The following NEK11 variants were observed in gnomAD, a reference collection of about 807,000 sequenced individuals.
NEK11 encodes serine/threonine-protein kinase Nek11.
Under a neutral mutation model 80.7 loss-of-function variants are expected in NEK11, and 72 were observed. That is an observed-to-expected ratio of 0.89 (90% CI 0.74 to 1.08). The LOEUF is 1.08. Among genes scored for constraint, NEK11 ranks in the 50% least tolerant of loss-of-function variants. NEK11 has a pLI of 0.00. For missense variants in NEK11, 764 were observed against 763.6 expected, an observed-to-expected ratio of 1.00 and a Z score of -0.01; for synonymous variants, 251 against 260.7, an observed-to-expected ratio of 0.96 and a Z score of 0.36.
intron 17 of NEK11, among the ~76,000 whole-genome samples, chr3:131,324,202 G>A (rs968880647): frequency 6.6e-6 from 1 of 152,220 alleles, no homozygotes; most frequent in Non-Finnish European, 1.5e-5. Context: ...ATTTGGTTAG[G>A]TATTAAGGGT....
Position 131,263,911 on chromosome 3 carries a change from G to T in NEK11, c.1622-9567G>T, listed in dbSNP as rs201960561. Among the ~76,000 whole-genome samples, 39 of 152,274 alleles carry T rather than the reference G, an allele frequency of 2.6e-4. No individual in the cohort carries two copies. The East Asian group carries it at 6.2e-3, about 24-fold the overall frequency. ...CTTTTTAATGATCGCCATTCTAACT[G>T]CTGTGAGATGGTATCTCATTGTGGT... is the stretch of plus-strand genomic sequence containing the variant. On this transcript the variant is annotated intron_variant, in intron 16 of 17. Transcript: ENST00000383366.
chr3:131,298,279 G>C (rs1278439766), intron 17 of NEK11, among the ~76,000 whole-genome samples: 2 of 152,162 alleles, frequency 1.3e-5, no homozygotes, highest in East Asian at 3.9e-4. Context: ...TCACGATATT[G>C]ATTCTTCCTA....
intron 4 of NEK11, among the ~76,000 whole-genome samples, chr3:131,100,485 G>A (rs1360705151): frequency 2.6e-5 from 4 of 152,198 alleles, no homozygotes; most frequent in South Asian, 4.1e-4. Flanking sequence ...CAGGATAATC[G>A]TGTGAACCTG....
intron 17 of NEK11, among the ~76,000 whole-genome samples, chr3:131,307,127 G>A (rs998631461): frequency 2.6e-5 from 4 of 152,146 alleles, no homozygotes; most frequent in African/African-American, 9.7e-5. Context: ...CATGGAAAAT[G>A]AGAAACTAGA....
At chr3:131,033,167 AT>A (rs1182075069) in intron 3 of NEK11, among the ~76,000 whole-genome samples, 4 of 152,046 alleles carry the variant, frequency 2.6e-5, no homozygotes, top group African/African-American at 9.7e-5. Flanking sequence ...TAATGCATAT[AT>A]GAGGCAGGAA....
chr3:131,273,962 T>TA (rs1232199295), intron 17 of NEK11, among the ~76,000 whole-genome samples: 20 of 152,078 alleles, frequency 1.3e-4, no homozygotes, highest in Admixed American at 2.6e-4. Flanking sequence ...GTCTTTTTTT[T>TA]TTATTATTAT....
intron 5 of NEK11, among the ~76,000 whole-genome samples, chr3:131,129,486 T>C (rs1358901328): frequency 6.6e-6 from 1 of 152,244 alleles, no homozygotes; most frequent in Non-Finnish European, 1.5e-5. Flanking sequence ...AATTCTTTCA[T>C]GGATTGTGAC....
chr3:131,173,743 C>G (rs1326116374), intron 14 of NEK11, among the ~76,000 whole-genome samples: 2 of 151,164 alleles, frequency 1.3e-5, no homozygotes, highest in Non-Finnish European at 2.9e-5. Context: ...CCCAAGCTAG[C>G]CTTGACCACA....
chr3:131,198,676 C>T (rs766110403), intron 14 of NEK11, among the ~76,000 whole-genome samples: 9 of 152,196 alleles, frequency 5.9e-5, no homozygotes, highest in Non-Finnish European at 8.8e-5. Context: ...GCTCATCCCT[C>T]GGACCTGTGT....
chr3:131,316,113 T>C (rs1197938869), intron 17 of NEK11, among the ~76,000 whole-genome samples: 4 of 152,200 alleles, frequency 2.6e-5, no homozygotes, highest in African/African-American at 9.6e-5. Context: ...ACTATAAACA[T>C]ATGATTCAAA....
intron 5 of NEK11, among the ~76,000 whole-genome samples, chr3:131,111,774 A>G (rs1560455737): frequency 6.6e-6 from 1 of 152,218 alleles, no homozygotes; most frequent in Non-Finnish European, 1.5e-5. Flanking sequence ...GGATAATAAT[A>G]GGACTCTCCT....
At chr3:131,132,433 G>T (rs1293144519) in intron 5 of NEK11, among the ~76,000 whole-genome samples, 2 of 151,982 alleles carry the variant, frequency 1.3e-5, no homozygotes, top group East Asian at 3.9e-4. Context: ...TGAGGATATG[G>T]TTACTGGATA....
chr3:131,144,436 A>T (rs1161558819), intron 7 of NEK11, among the ~76,000 whole-genome samples: 1 of 152,184 alleles, frequency 6.6e-6, no homozygotes, highest in East Asian at 1.9e-4. Flanking sequence ...CCTGGGAGTC[A>T]AATAAGGGAA....
intron 3 of NEK11, among the ~76,000 whole-genome samples, chr3:131,047,792 T>C (rs1022803548): frequency 6.6e-6 from 1 of 152,176 alleles, no homozygotes; most frequent in African/African-American, 2.4e-5. Flanking sequence ...GAGCATCAGC[T>C]GTGGTAGTAT....
intron 6 of NEK11, chr3:131,133,141 G>T: frequency 2.5e-6 from 1 of 394,260 alleles, no homozygotes; most frequent in East Asian, 7.8e-5. Flanking sequence ...TCATTTTACT[G>T]GTTTGATTAG....
chr3:131,092,060 A>G (rs2076812632), intron 4 of NEK11, among the ~76,000 whole-genome samples: 1 of 152,224 alleles, frequency 6.6e-6, no homozygotes, highest in Non-Finnish European at 1.5e-5. Context: ...GCTGCACAGG[A>G]ATGCAAGGTA....
At chr3:131,314,457 T>C (rs759724885) in intron 17 of NEK11, among the ~76,000 whole-genome samples, 9 of 152,240 alleles carry the variant, frequency 5.9e-5, no homozygotes, top group Non-Finnish European at 1.2e-4. Context: ...TCATTCACCA[T>C]GACATTCACA....
chr3:131,160,318 C>A (rs2149912073), intron 10 of NEK11, among the ~76,000 whole-genome samples: 1 of 152,308 alleles, frequency 6.6e-6, no homozygotes, highest in African/African-American at 2.4e-5. Flanking sequence ...AATTTCATAT[C>A]TTGCCAAAAT....
chr3:131,048,099 C>A (rs1038926625), intron 3 of NEK11, among the ~76,000 whole-genome samples: 8 of 152,112 alleles, frequency 5.3e-5, no homozygotes, highest in Admixed American at 5.2e-4. Flanking sequence ...TCCCACGTAT[C>A]CCAAAAGGCC....
Sources: gnomAD v4.1 joint callset for allele counts (sites outside exome capture counted in the v4.1 genomes callset) on GRCh38, gnomAD v4.1.1 for gene constraint, MANE v1.5 for transcripts, NCBI Gene and HGNC (gene_info 2026-07-23, HGNC 2026-07-21) for gene names.